Variants in DCDC1 observed in about 807,000 individuals in gnomAD.
DCDC1 encodes the protein doublecortin domain containing 1.
DCDC1 carries 200 observed loss-of-function variants against 178.3 expected under a neutral mutation model. The ratio of observed to expected loss-of-function variants is 1.12; its 90% CI spans 1.00 to 1.26. DCDC1 has a LOEUF of 1.26. Ranked by LOEUF, DCDC1 falls within the 50% of genes most tolerant of loss-of-function variation. DCDC1 has a pLI of 0.00. For synonymous variants in DCDC1, 690 were observed against 604.8 expected (o/e 1.14, Z -2.07); for missense variants, 1,983 against 1,749.2 (o/e 1.13, Z -2.38).
At chr11:31,248,815 C>T (rs974759709) in intron 8 of DCDC1, among the ~76,000 whole-genome samples, 5 of 152,026 alleles carry the variant, frequency 3.3e-5, no homozygotes, top group Non-Finnish European at 7.4e-5. Context: ...TTTTTGTCTA[C>T]GATTTCTTCT....
chr11:31,064,417 G>T, intron 20 of DCDC1, 52 bp downstream of exon 20: 1 of 672,406 alleles, frequency 1.5e-6, no homozygotes, highest in East Asian at 2.5e-5. Context: ...GAAACTGAAG[G>T]AAAATATCGA....
intron 20 of DCDC1, among the ~76,000 whole-genome samples, chr11:31,050,633 C>T (rs1955180526): frequency 6.6e-6 from 1 of 152,178 alleles, no homozygotes; most frequent in African/African-American, 2.4e-5. Flanking sequence ...AGAACAGCCA[C>T]TGGTATCCTC....
chr11:31,047,736 T>C lies in DCDC1; in HGVS notation c.2591+16733A>G, dbSNP rs77703048. Among the ~76,000 whole-genome samples the C allele has an allele frequency of 3.9e-5, 6 of 152,078 alleles. No individual in the cohort carries two copies. The East Asian group carries it at 1.2e-3, about 29-fold the overall frequency. On this transcript the variant is annotated intron_variant, in intron 20 of 38. Transcript: ENST00000684477. ...GCAAAATTCCTTGAGGATGGAGGGATTTTTTTTAACTTAAAGACCACTGTA... is the reference window on the plus strand; with the variant it reads ...GCAAAATTCCTTGAGGATGGAGGGACTTTTTTTAACTTAAAGACCACTGTA...
intron 20 of DCDC1, among the ~76,000 whole-genome samples, chr11:30,965,582 G>C (rs1008785062): frequency 2.2e-5 from 3 of 139,134 alleles, no homozygotes; most frequent in African/African-American, 7.9e-5. Context: ...ATTGTTTTTT[G>C]TTTGTTTGTT....
At chr11:31,305,907 A>T in intron 5 of DCDC1, 130 bp from the exon 6 acceptor site, 1 of 1,091,728 alleles carries the variant, frequency 9.2e-7, no homozygotes, top group South Asian at 1.8e-5. Context: ...GTTATTTTCT[A>T]GCAGTTGAAA....
intron 22 of DCDC1, among the ~76,000 whole-genome samples, chr11:30,926,998 G>C (rs1006468214): frequency 1.3e-5 from 2 of 152,016 alleles, no homozygotes; most frequent in Non-Finnish European, 2.9e-5. Flanking sequence ...GAGCTCTTAA[G>C]CTAATCACTT....
chr11:31,151,602 A>C (rs896832358), intron 9 of DCDC1, among the ~76,000 whole-genome samples: 3 of 152,202 alleles, frequency 2.0e-5, no homozygotes, highest in Non-Finnish European at 4.4e-5. Context: ...ACAACAATTA[A>C]TGAATACTCA....
chr11:31,049,376 A>G (rs960705796), intron 20 of DCDC1, among the ~76,000 whole-genome samples: 1 of 152,158 alleles, frequency 6.6e-6, no homozygotes, highest in Non-Finnish European at 1.5e-5. Flanking sequence ...TTTTGTATAC[A>G]TTTTTATTTT....
At chr11:31,225,933 A>G (rs908090609) in intron 9 of DCDC1, among the ~76,000 whole-genome samples, 4 of 152,026 alleles carry the variant, frequency 2.6e-5, no homozygotes, top group Non-Finnish European at 5.9e-5. Flanking sequence ...AGGAAGGAGT[A>G]TGGTATGGTT....
intron 22 of DCDC1, among the ~76,000 whole-genome samples, chr11:30,930,952 C>G (rs1012665272): frequency 6.6e-6 from 1 of 152,028 alleles, no homozygotes; most frequent in Non-Finnish European, 1.5e-5. Context: ...GTCATCCAAT[C>G]TGAATGTTAC....
At chr11:30,912,483 C>T (rs574548842) in intron 27 of DCDC1, among the ~76,000 whole-genome samples, 2 of 152,204 alleles carry the variant, frequency 1.3e-5, no homozygotes, top group South Asian at 4.2e-4. Flanking sequence ...GGGGTTTCAC[C>T]ATGTTGGCCA....
At chr11:30,911,558 C>G in intron 27 of DCDC1, 138 bp from the exon 28 acceptor site, 1 of 695,820 alleles carries the variant, frequency 1.4e-6, no homozygotes, top group African/African-American at 1.8e-5. Context: ...AGAATTTCTC[C>G]CCTACAGTAA....
Position 31,306,218 on chromosome 11 carries a change from G to C in DCDC1, c.591+14C>G, listed in dbSNP as rs527409217. 21 of 1,479,276 alleles carry C rather than the reference G, an allele frequency of 1.4e-5. No individual in the cohort carries two copies. The African/African-American group carries it at 2.9e-4, about 20-fold the overall frequency. The allele number at this position is 1,479,276 out of a possible 1,614,324, so 91.6% of individuals were successfully genotyped here. Reference sequence around the variant, plus strand: ...AAAAAAATAAAGCACAGAAAACTTTGGAACACTAGTTACCAAGGTGATGGT... The same window carrying C: ...AAAAAAATAAAGCACAGAAAACTTTCGAACACTAGTTACCAAGGTGATGGT... On this transcript the variant is annotated intron_variant, in intron 5 of 38. Coordinates refer to ENST00000684477, the MANE Select transcript of DCDC1 (RefSeq NM_001387274.1).
chr11:30,899,725 A>G, intron 33 of DCDC1, 83 bp from the exon 34 acceptor site: 1 of 985,920 alleles, frequency 1.0e-6, no homozygotes. Flanking sequence ...TTCTGCTCAA[A>G]GAAATAGATT....
At chr11:30,992,091 C>G (rs576759182) in intron 20 of DCDC1, among the ~76,000 whole-genome samples, 2 of 152,166 alleles carry the variant, frequency 1.3e-5, no homozygotes, top group African/African-American at 4.8e-5. Flanking sequence ...GTAAAATGCA[C>G]TGTCTTAAGG....
At chr11:31,161,657 A>C (rs1966323363) in intron 9 of DCDC1, among the ~76,000 whole-genome samples, 1 of 152,192 alleles carries the variant, frequency 6.6e-6, no homozygotes, top group Non-Finnish European at 1.5e-5. Context: ...AGCAGCTGTG[A>C]TGTTGCCAAA....
In DCDC1 at chr11:30,883,599, A is replaced by G. The variant is rs1942894632; in HGVS notation, c.5083-2291T>C. Reference sequence around the variant, plus strand: ...AAAAAGTGTGGATTTCAAGCATGGGAGAAAAATTCAGTTATATTTACACTT... The same window carrying G: ...AAAAAGTGTGGATTTCAAGCATGGGGGAAAAATTCAGTTATATTTACACTT... On this transcript the variant is annotated intron_variant, in intron 36 of 38. Coordinates refer to ENST00000684477, the MANE Select transcript of DCDC1 (RefSeq NM_001387274.1). 3 of 261,494 alleles carry G rather than the reference A, an allele frequency of 1.1e-5. No individual in the cohort carries two copies. The South Asian group carries it at 1.1e-4, about 10-fold the overall frequency. 16.2% of individuals were successfully genotyped at this position (261,494 alleles called of 1,614,324 possible).
At chr11:31,002,716 CTG>C (rs1273099386) in intron 20 of DCDC1, among the ~76,000 whole-genome samples, 1 of 152,124 alleles carries the variant, frequency 6.6e-6, no homozygotes, top group Admixed American at 6.5e-5. Context: ...AAAAGTCACA[CTG>C]TAGATTTTTG....
chr11:31,331,751 T>A lies in DCDC1; in HGVS notation c.-6-3465A>T, dbSNP rs1950001392. On this transcript the variant is annotated intron_variant, in intron 2 of 38. Transcript: ENST00000684477. ...GCCTACTTGATCGTGGTGGATAAGCTTTTTGATGTGCTGCTGGATTCGGTT... is the reference window on the plus strand; with the variant it reads ...GCCTACTTGATCGTGGTGGATAAGCATTTTGATGTGCTGCTGGATTCGGTT... 2.0e-5 allele frequency among the ~76,000 whole-genome samples: 3 copies of A among 152,196 alleles called. No homozygotes were observed. In the South Asian group the frequency reaches 6.2e-4, roughly 32 times the overall value.
Sources: allele counts gnomAD v4.1 joint callset (sites outside exome capture counted in the v4.1 genomes callset), GRCh38; gene constraint gnomAD v4.1.1; transcripts MANE v1.5; gene names NCBI Gene and HGNC (gene_info 2026-07-23, HGNC 2026-07-21).